Variants in CDH13 observed in about 807,000 individuals in gnomAD.
CDH13 encodes the protein cadherin 13.
In CDH13, 24 loss-of-function variants were observed where a neutral mutation model predicts 63.8. The observed-to-expected ratio is 0.38, with a 90% confidence interval of 0.27 to 0.53. The LOEUF is 0.53. Among genes scored for constraint, CDH13 ranks in the 20% least tolerant of loss-of-function variants. The pLI, the probability that CDH13 is intolerant of heterozygous loss-of-function variation, is 0.85. For missense variants in CDH13, 1,049 were observed against 903.1 expected (o/e 1.16, Z -2.07); for synonymous variants, 503 against 355.3 (o/e 1.42, Z -4.67).
At chr16:82,789,074 T>G (rs1024831268) in intron 1 of CDH13, among the ~76,000 whole-genome samples, 1 of 152,146 alleles carries the variant, frequency 6.6e-6, no homozygotes, top group African/African-American at 2.4e-5. Flanking sequence ...GATAAGGAGC[T>G]TGAGTTACTT....
chr16:83,116,485 C>T (rs1027434368), intron 3 of CDH13, among the ~76,000 whole-genome samples: 4 of 152,210 alleles, frequency 2.6e-5, no homozygotes, highest in Non-Finnish European at 5.9e-5. Context: ...GTGGATGGCG[C>T]TGCAGCCCCT....
chr16:82,690,440 A>G (rs1915534715), intron 1 of CDH13, among the ~76,000 whole-genome samples: 1 of 152,216 alleles, frequency 6.6e-6, no homozygotes. Flanking sequence ...CTGTGGAATA[A>G]TCTTAGGGCT....
chr16:83,348,967 A>G (rs1010226364), intron 6 of CDH13, among the ~76,000 whole-genome samples: 1 of 152,200 alleles, frequency 6.6e-6, no homozygotes, highest in African/African-American at 2.4e-5. Flanking sequence ...CTTCCAGCAA[A>G]CCACGCGTCA....
At chr16:83,489,245 C>G (rs754012358) in intron 7 of CDH13, among the ~76,000 whole-genome samples, 8 of 152,168 alleles carry the variant, frequency 5.3e-5, no homozygotes, top group Non-Finnish European at 1.0e-4. Context: ...GTTTCCAGCT[C>G]ATGATCTTTT....
intron 1 of CDH13, among the ~76,000 whole-genome samples, chr16:82,760,698 G>A (rs1032818020): frequency 7.0e-4 from 106 of 152,128 alleles, no homozygotes; most frequent in African/African-American, 2.4e-3. Context: ...CAGAAACGAG[G>A]TTTATTTGGC....
chr16:83,321,668 A>G (rs914754980), intron 5 of CDH13, among the ~76,000 whole-genome samples: 2 of 151,740 alleles, frequency 1.3e-5, no homozygotes, highest in African/African-American at 4.8e-5. Flanking sequence ...AGCTGGGACT[A>G]CAGGCGCCTG....
chr16:82,822,972 T>C (rs545181774), intron 1 of CDH13, among the ~76,000 whole-genome samples: 2 of 152,110 alleles, frequency 1.3e-5, no homozygotes, highest in Non-Finnish European at 2.9e-5. Flanking sequence ...TAGACCTGGG[T>C]GTGGAACAGA....
At chr16:83,116,263 C>T (rs79205623) in intron 3 of CDH13, among the ~76,000 whole-genome samples, 8,589 of 152,198 alleles carry the variant, frequency 0.056, 370 homozygotes, top group African/African-American at 0.12. Context: ...AAATAGACCA[C>T]GCAACCGGGG....
chr16:83,617,431 G>A (rs933819977), intron 8 of CDH13, among the ~76,000 whole-genome samples: 3 of 151,452 alleles, frequency 2.0e-5, no homozygotes, highest in African/African-American at 7.3e-5. Context: ...TAAATCTATT[G>A]TAATATGCAC....
chr16:82,688,204 T>G (rs560381958), intron 1 of CDH13, among the ~76,000 whole-genome samples: 19 of 152,312 alleles, frequency 1.2e-4, no homozygotes, highest in African/African-American at 4.3e-4. Context: ...AACACTGGTA[T>G]AGCCTGGCAG....
At chr16:83,176,797 C>A (rs2038143948) in intron 4 of CDH13, among the ~76,000 whole-genome samples, 1 of 152,114 alleles carries the variant, frequency 6.6e-6, no homozygotes, top group African/African-American at 2.4e-5. Context: ...AAGGACCCTT[C>A]TAATTCCAAA....
At chr16:83,371,788 A>G (rs1444457274) in intron 6 of CDH13, among the ~76,000 whole-genome samples, 2 of 152,242 alleles carry the variant, frequency 1.3e-5, no homozygotes, top group Non-Finnish European at 2.9e-5. Flanking sequence ...GTACCCCTGA[A>G]TGGACAGTGC....
At chr16:82,676,486 CTTTTTTTTTTTTT>C (rs11330492) in intron 1 of CDH13, among the ~76,000 whole-genome samples, 2 of 96,370 alleles carry the variant, frequency 2.1e-5, no homozygotes, top group Non-Finnish European at 4.1e-5. Flanking sequence ...ACCATCATTT[CTTTTTTTTTTTTT>C]TTTTTTTTGC....
chr16:83,705,609 G>A (rs1906919799), intron 10 of CDH13, among the ~76,000 whole-genome samples: 1 of 152,212 alleles, frequency 6.6e-6, no homozygotes. Context: ...GGGCCAGAGG[G>A]AGACTCCGTC....
At chr16:83,151,242 C>T (rs2036967678) in intron 4 of CDH13, among the ~76,000 whole-genome samples, 1 of 152,192 alleles carries the variant, frequency 6.6e-6, no homozygotes, top group African/African-American at 2.4e-5. Context: ...ACACAATATG[C>T]TCCATGACAA....
chr16:82,663,323 A>G, intron 1 of CDH13, among the ~76,000 whole-genome samples: 1 of 152,058 alleles, frequency 6.6e-6, no homozygotes, highest in East Asian at 1.9e-4. Flanking sequence ...AGTAGCTGGG[A>G]TTACAGGCAT....
chr16:83,346,868 C>T lies in CDH13; in HGVS notation c.781+1862C>T, dbSNP rs897537245. Reference sequence around the variant, plus strand: ...AATCACAGAGTTATTCAGTTAGAGACAGTTCTCCAGCAAAACATAAACCAC... The same window carrying T: ...AATCACAGAGTTATTCAGTTAGAGATAGTTCTCCAGCAAAACATAAACCAC... On this transcript the variant is annotated intron_variant, in intron 6 of 13. Transcript: ENST00000567109. Among the ~76,000 whole-genome samples, 11 of 152,256 alleles carry T rather than the reference C, an allele frequency of 7.2e-5. No homozygotes were observed. The South Asian group carries it at 2.1e-3, about 29-fold the overall frequency.
At chr16:82,800,301 G>C (rs947812056) in intron 1 of CDH13, among the ~76,000 whole-genome samples, 3 of 152,114 alleles carry the variant, frequency 2.0e-5, no homozygotes, top group African/African-American at 7.2e-5. Flanking sequence ...CTTTAAAATT[G>C]TATTTTTCTC....
At chr16:83,013,873 G>T (rs967900892) in intron 2 of CDH13, among the ~76,000 whole-genome samples, 1 of 152,184 alleles carries the variant, frequency 6.6e-6, no homozygotes, top group African/African-American at 2.4e-5. Context: ...AAAGACAGAA[G>T]GAGGGTTTGC....
Sources: gnomAD v4.1 joint callset for allele counts (sites outside exome capture counted in the v4.1 genomes callset) on GRCh38, gnomAD v4.1.1 for gene constraint, MANE v1.5 for transcripts, NCBI Gene and HGNC (gene_info 2026-07-23, HGNC 2026-07-21) for gene names.